The following PLEKHA5 variants were observed in gnomAD, a reference collection of about 807,000 sequenced individuals.
PLEKHA5 encodes pleckstrin homology domain containing A5.
In PLEKHA5, 55 loss-of-function variants were observed where a neutral mutation model predicts 181.9. That is an observed-to-expected ratio of 0.30 (90% confidence interval 0.24 to 0.38). PLEKHA5 has a LOEUF of 0.38. PLEKHA5 is among the 10% of genes least tolerant of loss of function. The probability of loss-of-function intolerance (pLI) is 1.00; values close to 1 mark genes in which losing one functional copy is unlikely to be tolerated. For missense variants in PLEKHA5, 1,432 were observed against 1,549.5 expected, an observed-to-expected ratio of 0.92 and a Z score of 1.27; for synonymous variants, 535 against 529.4, an observed-to-expected ratio of 1.01 and a Z score of -0.15.
At chr12:19,182,965 G>A (rs989060739) in intron 3 of PLEKHA5, among the ~76,000 whole-genome samples, 1 of 152,280 alleles carries the variant, frequency 6.6e-6, no homozygotes, top group African/African-American at 2.4e-5. Context: ...TTGTCATTTC[G>A]TCACAGATGA....
intron 3 of PLEKHA5, among the ~76,000 whole-genome samples, chr12:19,194,160 G>A (rs747687919): frequency 3.9e-5 from 6 of 152,150 alleles, no homozygotes; most frequent in Admixed American, 1.3e-4. Context: ...ATGTGTACAC[G>A]TTATTTAGTT....
At chr12:19,285,829 G>A (rs1429386184) in intron 12 of PLEKHA5, among the ~76,000 whole-genome samples, 1 of 152,210 alleles carries the variant, frequency 6.6e-6, no homozygotes, top group Non-Finnish European at 1.5e-5. Flanking sequence ...AATGGTAAAT[G>A]CATAAAGCAT....
At chr12:19,343,785 G>A (rs1347843618) in intron 22 of PLEKHA5, among the ~76,000 whole-genome samples, 3 of 152,156 alleles carry the variant, frequency 2.0e-5, no homozygotes, top group Admixed American at 6.6e-5. Flanking sequence ...GGGCACAGTG[G>A]CTCACACCTG....
At chr12:19,357,413 T>C (rs1016022827) in intron 26 of PLEKHA5, among the ~76,000 whole-genome samples, 1 of 151,574 alleles carries the variant, frequency 6.6e-6, no homozygotes, top group Non-Finnish European at 1.5e-5. Context: ...CCTGGCTAAA[T>C]TTTTTGTACT....
rs71064064 is a variant in PLEKHA5 at position 19,173,005 on chromosome 12, C to CTTTTTTTTTTTTTTTTT, written c.227+40568_227+40584dup. Among the ~76,000 whole-genome samples the CTTTTTTTTTTTTTTTTT allele has an allele frequency of 4.2e-4, 14 of 33,548 alleles. 6 individuals are homozygous for CTTTTTTTTTTTTTTTTT. The highest frequency in any genetic ancestry group is 2.3e-3 in the East Asian group (2 of 880). 22.0% of individuals were successfully genotyped at this position (33,548 alleles called of 152,430 possible). On this transcript the variant is annotated intron_variant, in intron 3 of 31. Transcript: ENST00000429027. ...AGAAAATTGCTACTGATTTCCCTTT[C>CTTTTTTTTTTTTTTTTT]TTTTTTTTTTTTTTTTTTTTTTTTT...
At chr12:19,168,603 C>T (rs1039411124) in intron 3 of PLEKHA5, among the ~76,000 whole-genome samples, 1 of 152,084 alleles carries the variant, frequency 6.6e-6, no homozygotes, top group Non-Finnish European at 1.5e-5. Flanking sequence ...AATTCTGCAC[C>T]TTCCTATGCA....
At position 19,129,754 on chromosome 12, in the gene PLEKHA5, C is replaced by T; in HGVS notation, c.-46C>T. ...GCTCGTTCCCTCCTCCCTCGGCAGCCGCGGCGGCAGCAGGAGAAGGCGGCG... is the reference window on the plus strand; with the variant it reads ...GCTCGTTCCCTCCTCCCTCGGCAGCTGCGGCGGCAGCAGGAGAAGGCGGCG... On this transcript the variant is annotated 5_prime_UTR_variant, in exon 1 of 32. Transcript: ENST00000429027. 1 of 1,460,990 alleles carries T rather than the reference C, an allele frequency of 6.8e-7. No homozygotes were observed. Among genetic ancestry groups the T allele is most frequent in the Non-Finnish European group, 9.5e-7 (1 of 1,055,880 alleles). The allele number at this position is 1,460,990 out of a possible 1,614,324, so 90.5% of individuals were successfully genotyped here.
chr12:19,247,213 T>A (rs1414563994), intron 3 of PLEKHA5, among the ~76,000 whole-genome samples: 1 of 152,222 alleles, frequency 6.6e-6, no homozygotes, highest in Non-Finnish European at 1.5e-5. Flanking sequence ...CATACAGTTT[T>A]AGTTATTTAT....
At chr12:19,194,341 TC>T (rs2052088843) in intron 3 of PLEKHA5, among the ~76,000 whole-genome samples, 1 of 152,222 alleles carries the variant, frequency 6.6e-6, no homozygotes, top group Non-Finnish European at 1.5e-5. Flanking sequence ...TATCCAGTCC[TC>T]CACTGATGGA....
intron 3 of PLEKHA5, among the ~76,000 whole-genome samples, chr12:19,223,055 A>G (rs534390822): frequency 1.2e-4 from 17 of 147,228 alleles, no homozygotes; most frequent in Admixed American, 1.0e-3. Flanking sequence ...TACCCTCCAG[A>G]TAGCTTTGCA....
chr12:19,154,016 T>A (rs1173580772), intron 3 of PLEKHA5: 1 of 152,178 alleles, frequency 6.6e-6, no homozygotes, highest in Non-Finnish European at 1.5e-5. Flanking sequence ...ACTCTGTCCT[T>A]TTATTTTGAG....
chr12:19,135,468 C>T (rs964767494), intron 3 of PLEKHA5, among the ~76,000 whole-genome samples: 3 of 152,080 alleles, frequency 2.0e-5, no homozygotes, highest in Admixed American at 6.5e-5. Flanking sequence ...AAACAAGGAA[C>T]TCACAATGCC....
At chr12:19,368,753 T>C (rs1478642578) in intron 30 of PLEKHA5, among the ~76,000 whole-genome samples, 1 of 152,136 alleles carries the variant, frequency 6.6e-6, no homozygotes, top group Non-Finnish European at 1.5e-5. Context: ...ATCACGCCAC[T>C]GCACTCCAGC....
At chr12:19,229,950 G>T (rs1339132494) in intron 3 of PLEKHA5, among the ~76,000 whole-genome samples, 1 of 152,024 alleles carries the variant, frequency 6.6e-6, no homozygotes, top group African/African-American at 2.4e-5. Flanking sequence ...TGATTGGTGT[G>T]TTTACAAACC....
At chr12:19,296,449 G>A (rs979359016) in intron 15 of PLEKHA5, among the ~76,000 whole-genome samples, 1 of 151,702 alleles carries the variant, frequency 6.6e-6, no homozygotes, top group African/African-American at 2.4e-5. Flanking sequence ...TTGGTAGGCT[G>A]AGGAATGAGA....
At chr12:19,355,026 C>T (rs1323848410) in intron 26 of PLEKHA5, among the ~76,000 whole-genome samples, 1 of 152,112 alleles carries the variant, frequency 6.6e-6, no homozygotes, top group Non-Finnish European at 1.5e-5. Context: ...GTTGCAGGGC[C>T]TTTTAGCTAT....
chr12:19,164,882 A>G (rs1385649719), intron 3 of PLEKHA5, among the ~76,000 whole-genome samples: 1 of 151,948 alleles, frequency 6.6e-6, no homozygotes. Context: ...TGCGGATGTC[A>G]CAGACTTATC....
chr12:19,166,719 T>C (rs1053400462), intron 3 of PLEKHA5, among the ~76,000 whole-genome samples: 1 of 152,224 alleles, frequency 6.6e-6, no homozygotes, highest in African/African-American at 2.4e-5. Flanking sequence ...AACTGAACTT[T>C]AAAGAAAACC....
chr12:19,326,025 A>G (rs1343919797), intron 20 of PLEKHA5, among the ~76,000 whole-genome samples: 1 of 151,734 alleles, frequency 6.6e-6, no homozygotes, highest in Non-Finnish European at 1.5e-5. Context: ...TAAAATAAAT[A>G]AAATAAAATA....
Sources: allele counts gnomAD v4.1 joint callset (sites outside exome capture counted in the v4.1 genomes callset), GRCh38; gene constraint gnomAD v4.1.1; transcripts MANE v1.5; gene names NCBI Gene and HGNC (gene_info 2026-07-23, HGNC 2026-07-21).